The following ZNF385B variants were observed in gnomAD, a reference collection of about 807,000 sequenced individuals.
ZNF385B encodes the protein zinc finger protein 385B, also known as zinc finger protein 533.
A neutral mutation model predicts 39.2 loss-of-function variants in ZNF385B; 23 were observed. The ratio of observed to expected loss-of-function variants is 0.59; its 90% CI spans 0.42 to 0.83. The LOEUF (loss-of-function observed/expected upper bound fraction) is 0.83. ZNF385B is among the 40% of genes least tolerant of loss of function. The pLI is 0.00. For synonymous variants in ZNF385B, 205 were observed against 222.6 expected (o/e 0.92, Z 0.70); for missense variants, 552 against 598.9 (o/e 0.92, Z 0.82).
chr2:179,485,561 C>T (rs914051621), intron 5 of ZNF385B, among the ~76,000 whole-genome samples: 4 of 152,102 alleles, frequency 2.6e-5, no homozygotes, highest in African/African-American at 9.7e-5. Flanking sequence ...GATAGGCCTA[C>T]TTTATCCTAA....
At chr2:179,760,575 C>G (rs975280812) in intron 3 of ZNF385B, among the ~76,000 whole-genome samples, 5 of 152,030 alleles carry the variant, frequency 3.3e-5, no homozygotes, top group Admixed American at 2.0e-4. Flanking sequence ...CAAGTCACCC[C>G]CAAAAGATAT....
At chr2:179,664,820 C>T (rs1694941570) in intron 3 of ZNF385B, among the ~76,000 whole-genome samples, 1 of 151,978 alleles carries the variant, frequency 6.6e-6, no homozygotes, top group African/African-American at 2.4e-5. Flanking sequence ...TTTACAGAAA[C>T]ATATTTGGAA....
chr2:179,597,854 C>T (rs976719206), intron 3 of ZNF385B, among the ~76,000 whole-genome samples: 1 of 151,940 alleles, frequency 6.6e-6, no homozygotes. Flanking sequence ...TGTCCCAATA[C>T]CAAAAATTAA....
chr2:179,689,826 T>TG (rs1491484227), intron 3 of ZNF385B, among the ~76,000 whole-genome samples: 43 of 46,794 alleles, frequency 9.2e-4, no homozygotes, highest in African/African-American at 3.7e-3. Context: ...TGTGTGTGTG[T>TG]TTATTTGTTT....
At chr2:179,652,836 A>G (rs1285711482) in intron 3 of ZNF385B, among the ~76,000 whole-genome samples, 6 of 99,598 alleles carry the variant, frequency 6.0e-5, no homozygotes, top group Non-Finnish European at 1.3e-4. Context: ...TTTAGAATTG[A>G]GCAAAGCACC....
chr2:179,714,592 G>A (rs1700200489), intron 3 of ZNF385B, among the ~76,000 whole-genome samples: 1 of 152,130 alleles, frequency 6.6e-6, no homozygotes, highest in Non-Finnish European at 1.5e-5. Context: ...CCCTTAGGAA[G>A]GTTAAAATTT....
At chr2:179,479,405 C>G (rs1012671688) in intron 6 of ZNF385B, among the ~76,000 whole-genome samples, 2 of 152,098 alleles carry the variant, frequency 1.3e-5, no homozygotes, top group African/African-American at 4.8e-5. Flanking sequence ...CAACATGAAC[C>G]AAATTATGTC....
chr2:179,734,177 T>C (rs1701589818), intron 3 of ZNF385B, among the ~76,000 whole-genome samples: 1 of 152,230 alleles, frequency 6.6e-6, no homozygotes, highest in African/African-American at 2.4e-5. Context: ...TTCCTGTATT[T>C]TTCTACTACA....
At chr2:179,573,569 G>T (rs1171817452) in intron 3 of ZNF385B, among the ~76,000 whole-genome samples, 1 of 151,986 alleles carries the variant, frequency 6.6e-6, no homozygotes, top group East Asian at 1.9e-4. Context: ...TATGTCATGT[G>T]CTGTAAAGTT....
intron 3 of ZNF385B, among the ~76,000 whole-genome samples, chr2:179,612,034 C>T (rs1308679040): frequency 6.6e-6 from 1 of 152,054 alleles, no homozygotes; most frequent in Non-Finnish European, 1.5e-5. Context: ...TGCAGTATTT[C>T]AATTGCATTT....
intron 3 of ZNF385B, among the ~76,000 whole-genome samples, chr2:179,723,957 A>C (rs1244813311): frequency 6.6e-6 from 1 of 152,170 alleles, no homozygotes; most frequent in Non-Finnish European, 1.5e-5. Flanking sequence ...AAAAACTAGT[A>C]TATTCTAGTA....
chr2:179,700,477 T>C (rs1699106394), intron 3 of ZNF385B, among the ~76,000 whole-genome samples: 3 of 127,878 alleles, frequency 2.3e-5, no homozygotes. Flanking sequence ...TGAGTAAATG[T>C]TGCTTTCTTT....
intron 3 of ZNF385B, among the ~76,000 whole-genome samples, chr2:179,605,432 T>A (rs1425821216): frequency 6.6e-6 from 1 of 152,086 alleles, no homozygotes; most frequent in African/African-American, 2.4e-5. Context: ...TTAATAAGTA[T>A]TTTTTTAAAT....
intron 3 of ZNF385B, among the ~76,000 whole-genome samples, chr2:179,686,466 T>G (rs2106334603): frequency 6.6e-6 from 1 of 152,302 alleles, no homozygotes; most frequent in African/African-American, 2.4e-5. Flanking sequence ...AGAAATTGGC[T>G]TGGGGAAAGG....
At chr2:179,748,800 A>G (rs1702518431) in intron 3 of ZNF385B, among the ~76,000 whole-genome samples, 1 of 152,144 alleles carries the variant, frequency 6.6e-6, no homozygotes, top group Admixed American at 6.6e-5. Flanking sequence ...TTAATATAGC[A>G]GAGCATTGAC....
intron 3 of ZNF385B, among the ~76,000 whole-genome samples, chr2:179,719,069 G>A (rs142540497): frequency 2.6e-5 from 4 of 151,538 alleles, no homozygotes; most frequent in East Asian, 3.9e-4. Context: ...TGCATGTCTC[G>A]CCCTCCTAAC....
intron 1 of ZNF385B, among the ~76,000 whole-genome samples, chr2:179,804,501 G>C (rs1001806287): frequency 6.6e-6 from 1 of 152,166 alleles, no homozygotes; most frequent in African/African-American, 2.4e-5. Context: ...AGCAGTGGGG[G>C]AGAAGGTACT....
At chr2:179,559,199 C>T (rs1515301) in intron 3 of ZNF385B, among the ~76,000 whole-genome samples, 1 of 152,094 alleles carries the variant, frequency 6.6e-6, no homozygotes, top group Admixed American at 6.5e-5. Context: ...CAGGAACAAC[C>T]TAGTGAAGCA....
At chr2:179,531,566 G>A (rs2059254559) in intron 4 of ZNF385B, among the ~76,000 whole-genome samples, 1 of 151,978 alleles carries the variant, frequency 6.6e-6, no homozygotes, top group African/African-American at 2.4e-5. Flanking sequence ...AACCTGGGAG[G>A]TTCAAGTGCA....
Sources: allele counts gnomAD v4.1 joint callset (sites outside exome capture counted in the v4.1 genomes callset), GRCh38; gene constraint gnomAD v4.1.1; transcripts MANE v1.5; gene names NCBI Gene and HGNC (gene_info 2026-07-23, HGNC 2026-07-21).